Variants in NEUROG1 observed in about 807,000 individuals in gnomAD.
The protein encoded by NEUROG1 is neurogenin 1, also known as neurogenin-1.
A neutral mutation model predicts 5.7 loss-of-function variants in NEUROG1; 5 were observed. That is an observed-to-expected ratio of 0.88 (90% CI 0.46 to 1.85). The LOEUF is 1.85. NEUROG1 is among the 40% of genes most tolerant of loss of function. NEUROG1 has a pLI of 0.01. For missense variants in NEUROG1, 403 were observed against 345.7 expected (o/e 1.17, Z -1.32); for synonymous variants, 196 against 157.4 (o/e 1.25, Z -1.84).
In NEUROG1 at chr5:135,535,961, T is replaced by G; in HGVS notation, c.-271A>C. 1 of 379,000 alleles carries G rather than the reference T, an allele frequency of 2.6e-6. No homozygotes were observed. Among genetic ancestry groups the G allele is most frequent in the Non-Finnish European group, 4.7e-6 (1 of 212,862 alleles). The allele number at this position is 379,000 out of a possible 1,614,324, so 23.5% of individuals were successfully genotyped here. A position where few individuals can be genotyped will look rare whatever the true frequency, so the allele number is the denominator to read the frequency against. ...GATCAGCTCGTGTGAGCACCGAGTGTGGCACACGACTGGCCTCAGGACCCC... is the reference window on the plus strand; with the variant it reads ...GATCAGCTCGTGTGAGCACCGAGTGGGGCACACGACTGGCCTCAGGACCCC... On this transcript the variant is annotated 5_prime_UTR_variant, in exon 1 of 1. Transcript: ENST00000314744.
At position 135,535,864 on chromosome 5, in the gene NEUROG1, G is replaced by A; in HGVS notation, c.-174C>T. ...GGTGCAGGGGCGCACGGAGAACTTG[G>A]CCTGGCCTCCTCGCCTCGCCTGCAG... On this transcript the variant is annotated 5_prime_UTR_variant, in exon 1 of 1. Coordinates refer to ENST00000314744, the MANE Select transcript of NEUROG1 (RefSeq NM_006161.3). 1 of 559,904 alleles carries A rather than the reference G, an allele frequency of 1.8e-6. No individual in the cohort carries two copies. Among genetic ancestry groups the A allele is most frequent in the Non-Finnish European group, 3.0e-6 (1 of 337,064 alleles). The allele number at this position is 559,904 out of a possible 1,614,324, so 34.7% of individuals were successfully genotyped here. A position where few individuals can be genotyped will look rare whatever the true frequency, so the allele number is the denominator to read the frequency against.
At position 135,535,010 on chromosome 5, in the gene NEUROG1, G is replaced by C. The variant is rs772193879; in HGVS notation, c.681C>G (p.Leu227=). ...FSFPSLPKDL[L]HTTPCFIPYH is the part of the protein sequence containing the mutation. ...AAGGAATGAAACAGGGCGTTGTGTGGAGCAAGTCTTTGGGCAGGCTTGGGA... is the reference window on the plus strand; with the variant it reads ...AAGGAATGAAACAGGGCGTTGTGTGCAGCAAGTCTTTGGGCAGGCTTGGGA... The change falls in exon 1 of 1, where the codon CTC becomes CTG. Residue 227 remains leucine (L), a synonymous_variant. Transcript: ENST00000314744. 89 of 1,613,882 alleles carry C rather than the reference G, an allele frequency of 5.5e-5. No individual in the cohort carries two copies. Among genetic ancestry groups the C allele is most frequent in the Non-Finnish European group, 7.2e-5 (85 of 1,179,942 alleles).
In NEUROG1 at chr5:135,535,796, G is replaced by A; in HGVS notation, c.-106C>T. 4 of 1,086,950 alleles carry A rather than the reference G, an allele frequency of 3.7e-6. No individual in the cohort carries two copies. The highest frequency in any genetic ancestry group is 1.8e-5 in the South Asian group (1 of 55,934). 67.3% of individuals were successfully genotyped at this position (1,086,950 alleles called of 1,614,324 possible). On this transcript the variant is annotated 5_prime_UTR_variant, in exon 1 of 1. Coordinates refer to ENST00000314744, the MANE Select transcript of NEUROG1 (RefSeq NM_006161.3). Reference sequence around the variant, plus strand: ...GCGCACTTACGTTCCCAACAGCCTGGGGTTGTTACTCTGTGCCAGTTGCGG... The same window carrying A: ...GCGCACTTACGTTCCCAACAGCCTGAGGTTGTTACTCTGTGCCAGTTGCGG...
chr5:135,534,771 G>C lies in NEUROG1; in HGVS notation c.*206C>G. ...GGCCGTCTAGGGGCGGGCAGGAGGG[G>C]CGCTGGGCTGAGGGCCGGAGAAACA... On this transcript the variant is annotated 3_prime_UTR_variant, in exon 1 of 1. Coordinates refer to ENST00000314744, the MANE Select transcript of NEUROG1 (RefSeq NM_006161.3). 1.7e-6 allele frequency: 1 copy of C among 583,860 alleles called. No homozygotes were observed. Among genetic ancestry groups the C allele is most frequent in the Admixed American group, 3.5e-5 (1 of 28,892 alleles). The allele number at this position is 583,860 out of a possible 1,614,324, so 36.2% of individuals were successfully genotyped here.
rs751806380 is a variant in NEUROG1 at position 135,535,630 on chromosome 5, C to G, written c.61G>C (p.Asp21His). ...TCGTCGGTGAGGAAGCCGGATAGGTCACTGCCGCTGCTGCTGGCGCAGTCG... is the reference window on the plus strand; with the variant it reads ...TCGTCGGTGAGGAAGCCGGATAGGTGACTGCCGCTGCTGCTGGCGCAGTCG... ...DLDCASSSGS[D>H]LSGFLTDEED... The change falls in exon 1 of 1, where the codon GAC becomes CAC. Residue 21 changes from aspartate to histidine, a missense_variant. Physicochemically the swap from Asp to His is moderately conservative, Grantham distance 81 (BLOSUM62 -1). Coordinates refer to ENST00000314744, the MANE Select transcript of NEUROG1 (RefSeq NM_006161.3). 2 of 1,586,948 alleles carry G rather than the reference C, an allele frequency of 1.3e-6. No individual in the cohort carries two copies. Among genetic ancestry groups the G allele is most frequent in the South Asian group, 1.1e-5 (1 of 87,524 alleles).
chr5:135,534,708 AAGG>A lies in NEUROG1; in HGVS notation c.*266_*268del. On this transcript the variant is annotated 3_prime_UTR_variant, in exon 1 of 1. Transcript: ENST00000314744. ...TGGGGTCAGTTCTGAGCCAGTCACA[AAGG>A]AGGTTTTGTGGAGTTCAGAAAGTGC... 2.2e-6 allele frequency: 1 copy of A among 463,628 alleles called. No individual in the cohort carries two copies. Among genetic ancestry groups the A allele is most frequent in the Non-Finnish European group, 3.8e-6 (1 of 263,648 alleles). The allele number at this position is 463,628 out of a possible 1,614,324, so 28.7% of individuals were successfully genotyped here.
chr5:135,535,042 A>C lies in NEUROG1; in HGVS notation c.649T>G (p.Phe217Val). 1 of 1,614,014 alleles carries C rather than the reference A, an allele frequency of 6.2e-7. No individual in the cohort carries two copies. Among genetic ancestry groups the C allele is most frequent in the Non-Finnish European group, 8.5e-7 (1 of 1,179,948 alleles). ...DFTYRPGDPVFSFPSLPKDLL... is the reference protein window; with the variant it reads ...DFTYRPGDPVVSFPSLPKDLL... ...TCTTTGGGCAGGCTTGGGAAGGAGA[A>C]AACAGGGTCGCCGGGGCGGTAGGTG... Residue 217 changes from phenylalanine to valine, a missense_variant, in exon 1 of 1, where the codon TTC becomes GTC. Phe to Val is a conservative substitution (Grantham distance 50). Transcript: ENST00000314744.
In NEUROG1 at chr5:135,534,803, G is replaced by C; in HGVS notation, c.*174C>G. Reference sequence around the variant, plus strand: ...GCTGAGGGCCGGAGAAACAGACCAAGAGACATCCGCCGCGAGGGTGCGGCG... The same window carrying C: ...GCTGAGGGCCGGAGAAACAGACCAACAGACATCCGCCGCGAGGGTGCGGCG... On this transcript the variant is annotated 3_prime_UTR_variant, in exon 1 of 1. Transcript: ENST00000314744. The C allele has an allele frequency of 1.5e-6, 1 of 652,396 alleles. No homozygotes were observed. The highest frequency in any genetic ancestry group is 2.6e-6 in the Non-Finnish European group (1 of 385,406). 40.4% of individuals were successfully genotyped at this position (652,396 alleles called of 1,614,324 possible).
rs994193857 is a variant in NEUROG1 at position 135,534,454 on chromosome 5, C to T, written c.*523G>A. Reference sequence around the variant, plus strand: ...TGCCTGAATAGCTAAGCAAGAGTCTCCAGTTCTTCCTAGAGCGAGTCTGCA... The same window carrying T: ...TGCCTGAATAGCTAAGCAAGAGTCTTCAGTTCTTCCTAGAGCGAGTCTGCA... On this transcript the variant is annotated 3_prime_UTR_variant, in exon 1 of 1. Coordinates refer to ENST00000314744, the MANE Select transcript of NEUROG1 (RefSeq NM_006161.3). 1.9e-5 allele frequency: 3 copies of T among 155,182 alleles called. No homozygotes were observed. The highest frequency in any genetic ancestry group is 7.2e-5 in the African/African-American group (3 of 41,456). 9.6% of individuals were successfully genotyped at this position (155,182 alleles called of 1,614,324 possible).
In NEUROG1 at chr5:135,535,292, C is replaced by A. The variant is rs141385125; in HGVS notation, c.399G>T (p.Thr133=). The A allele has an allele frequency of 7.4e-6, 12 of 1,613,574 alleles. No individual in the cohort carries two copies. In the African/African-American group the frequency reaches 1.2e-4, roughly 16 times the overall value. Residue 133 remains threonine, a synonymous_variant, in exon 1 of 1, where the codon ACG becomes ACT. Coordinates refer to ENST00000314744, the MANE Select transcript of NEUROG1 (RefSeq NM_006161.3). ...PDDTKLTKIE[T]LRFAYNYIWA... is the part of the protein sequence containing the mutation. ...AGATGTAGTTGTAGGCGAAGCGCAG[C>A]GTCTCGATTTTGGTGAGCTTGGTGT... is the stretch of plus-strand genomic sequence containing the variant.
At position 135,535,649 on chromosome 5, in the gene NEUROG1, G is replaced by A; in HGVS notation, c.42C>T (p.Cys14=). ...RLETCISDLD[C]ASSSGSDLSG... is the part of the protein sequence containing the mutation. ...ATAGGTCACTGCCGCTGCTGCTGGC[G>A]CAGTCGAGGTCGGAGATGCAGGTCT... The change falls in exon 1 of 1, where the codon TGC becomes TGT. Residue 14 remains cysteine, a synonymous_variant. Transcript: ENST00000314744. The A allele has an allele frequency of 6.3e-7, 1 of 1,583,724 alleles. No homozygotes were observed. The highest frequency in any genetic ancestry group is 8.5e-7 in the Non-Finnish European group (1 of 1,169,878).
chr5:135,535,006 T>G lies in NEUROG1; in HGVS notation c.685A>C (p.Thr229Pro), dbSNP rs747228893. ...TGGTAAGGAATGAAACAGGGCGTTG[T>G]GTGGAGCAAGTCTTTGGGCAGGCTT... is the stretch of plus-strand genomic sequence containing the variant. ...FPSLPKDLLHTTPCFIPYH is the reference protein window; with the variant it reads ...FPSLPKDLLHPTPCFIPYH The change falls in exon 1 of 1, where the codon ACA (threonine) becomes CCA (proline). Residue 229 changes from threonine to proline, a missense_variant. Physicochemically the swap from Thr to Pro is conservative, Grantham distance 38. Transcript: ENST00000314744. 1 of 1,613,754 alleles carries G rather than the reference T, an allele frequency of 6.2e-7. No homozygotes were observed. Among genetic ancestry groups the G allele is most frequent in the Non-Finnish European group, 8.5e-7 (1 of 1,179,900 alleles).
chr5:135,535,960 G>A lies in NEUROG1; in HGVS notation c.-270C>T, dbSNP rs1750537630. The stretch of plus-strand genomic sequence containing the variant: ...AGATCAGCTCGTGTGAGCACCGAGT[G>A]TGGCACACGACTGGCCTCAGGACCC... On this transcript the variant is annotated 5_prime_UTR_variant, in exon 1 of 1. Coordinates refer to ENST00000314744, the MANE Select transcript of NEUROG1 (RefSeq NM_006161.3). 2.6e-6 allele frequency: 1 copy of A among 382,862 alleles called. No homozygotes were observed. The highest frequency in any genetic ancestry group is 4.6e-6 in the Non-Finnish European group (1 of 215,282). 23.7% of individuals were successfully genotyped at this position (382,862 alleles called of 1,614,324 possible).
In NEUROG1 at chr5:135,535,500, G is replaced by A. The variant is rs1750520540; in HGVS notation, c.191C>T (p.Ala64Val). 4 of 1,576,028 alleles carry A rather than the reference G, an allele frequency of 2.5e-6. No individual in the cohort carries two copies. Among genetic ancestry groups the A allele is most frequent in the Non-Finnish European group, 3.4e-6 (4 of 1,167,232 alleles). Reference sequence around the variant, plus strand: ...CCGCCTCTCCTGCTCGTCGTCCTGTGCCCCTGGAACCTCAGACGCCCGGGA... The same window carrying A: ...CCGCCTCTCCTGCTCGTCGTCCTGTACCCCTGGAACCTCAGACGCCCGGGA... ...NISRASEVPG[A>V]QDDEQERRRR... Residue 64 changes from alanine (A) to valine (V), a missense_variant, in exon 1 of 1, where the codon GCA (alanine) becomes GTA (valine). Physicochemically the swap from Ala to Val is moderately conservative, Grantham distance 64. Coordinates refer to ENST00000314744, the MANE Select transcript of NEUROG1 (RefSeq NM_006161.3).
rs757655390 is a variant in NEUROG1, at chr5:135,535,636, C to G, written c.55G>C (p.Gly19Arg). 1 of 1,587,934 alleles carries G rather than the reference C, an allele frequency of 6.3e-7. No homozygotes were observed. The highest frequency in any genetic ancestry group is 1.1e-5 in the South Asian group (1 of 87,898). Residue 19 changes from glycine to arginine, a missense_variant, in exon 1 of 1, where the codon GGC becomes CGC. Coordinates refer to ENST00000314744, the MANE Select transcript of NEUROG1 (RefSeq NM_006161.3). ...GTGAGGAAGCCGGATAGGTCACTGC[C>G]GCTGCTGCTGGCGCAGTCGAGGTCG... ...ISDLDCASSS[G>R]SDLSGFLTDE...
rs768031854 is a variant in NEUROG1 at position 135,535,133 on chromosome 5, C to T, written c.558G>A (p.Trp186Ter). 6.2e-7 allele frequency: 1 copy of T among 1,609,474 alleles called. No homozygotes were observed. The highest frequency in any genetic ancestry group is 2.2e-5 in the East Asian group (1 of 44,754). ...PPSPASDAESWGSGAAAASPL... is the reference protein window; with the variant it reads ...PPSPASDAES Reference sequence around the variant, plus strand: ...GGGAGGCGGCGGCGGCACCTGAGCCCCAGGACTCCGCGTCGCTGGCGGGGC... The same window carrying T: ...GGGAGGCGGCGGCGGCACCTGAGCCTCAGGACTCCGCGTCGCTGGCGGGGC... Residue 186 changes from tryptophan to a stop codon, truncating the protein, a stop_gained, in exon 1 of 1, where the codon TGG becomes TGA. Coordinates refer to ENST00000314744, the MANE Select transcript of NEUROG1 (RefSeq NM_006161.3). LOFTEE classifies it high-confidence loss of function.
In NEUROG1 at chr5:135,535,323, G is replaced by T; in HGVS notation, c.368C>A (p.Pro123His). 1 of 1,613,596 alleles carries T rather than the reference G, an allele frequency of 6.2e-7. No homozygotes were observed. The highest frequency in any genetic ancestry group is 8.5e-7 in the Non-Finnish European group (1 of 1,179,674). Residue 123 changes from proline to histidine, a missense_variant, in exon 1 of 1, where the codon CCC (proline) becomes CAC (histidine). Pro to His is a moderately conservative substitution (Grantham distance 77). Coordinates refer to ENST00000314744, the MANE Select transcript of NEUROG1 (RefSeq NM_006161.3). ...GATTTTGGTGAGCTTGGTGTCGTCG[G>T]GGAACGAGGGCAGCACGCTGCGCAG... ...DALRSVLPSF[P>H]DDTKLTKIET...
Position 135,534,867 on chromosome 5 carries a change from G to T in NEUROG1, c.*110C>A. ...CTCAGGTATCCCCGACTGCTTTAAA[G>T]CTCCCGCTTCCTCCCTCCGCCTGGA... is the stretch of plus-strand genomic sequence containing the variant. On this transcript the variant is annotated 3_prime_UTR_variant, in exon 1 of 1. Coordinates refer to ENST00000314744, the MANE Select transcript of NEUROG1 (RefSeq NM_006161.3). 2 of 1,156,410 alleles carry T rather than the reference G, an allele frequency of 1.7e-6. No individual in the cohort carries two copies. Among genetic ancestry groups the T allele is most frequent in the Non-Finnish European group, 2.4e-6 (2 of 824,826 alleles). The allele number at this position is 1,156,410 out of a possible 1,614,324, so 71.6% of individuals were successfully genotyped here. A position where few individuals can be genotyped will look rare whatever the true frequency, so the allele number is the denominator to read the frequency against.
Position 135,535,010 on chromosome 5 carries a change from G to T in NEUROG1, c.681C>A (p.Leu227=), listed in dbSNP as rs772193879. 1 of 1,614,002 alleles carries T rather than the reference G, an allele frequency of 6.2e-7. No homozygotes were observed. Among genetic ancestry groups the T allele is most frequent in the South Asian group, 1.1e-5 (1 of 91,082 alleles). ...AAGGAATGAAACAGGGCGTTGTGTGGAGCAAGTCTTTGGGCAGGCTTGGGA... is the reference window on the plus strand; with the variant it reads ...AAGGAATGAAACAGGGCGTTGTGTGTAGCAAGTCTTTGGGCAGGCTTGGGA... The part of the protein sequence containing the change: ...FSFPSLPKDL[L]HTTPCFIPYH Residue 227 remains leucine (L), a synonymous_variant, in exon 1 of 1, where the codon CTC becomes CTA. Coordinates refer to ENST00000314744, the MANE Select transcript of NEUROG1 (RefSeq NM_006161.3).
Sources: allele counts gnomAD v4.1 joint callset, GRCh38; gene constraint gnomAD v4.1.1; transcripts MANE v1.5; gene names NCBI Gene and HGNC (gene_info 2026-07-23, HGNC 2026-07-21).